The following CCDC91 variants were observed in gnomAD, a reference collection of about 807,000 sequenced individuals.
CCDC91 encodes the protein coiled-coil domain containing 91, also known as coiled-coil domain-containing protein 91.
A neutral mutation model predicts 63.2 loss-of-function variants in CCDC91; 48 were observed. That is an observed-to-expected ratio of 0.76 (90% CI 0.60 to 0.97). The LOEUF is 0.97. CCDC91 is among the 50% of genes least tolerant of loss of function. The probability of loss-of-function intolerance (pLI) is 0.00; values close to 1 mark genes in which losing one functional copy is unlikely to be tolerated. For missense variants in CCDC91, 500 were observed against 494.6 expected (o/e 1.01, Z -0.10); for synonymous variants, 167 against 165.8 (o/e 1.01, Z -0.06).
intron 1 of CCDC91, among the ~76,000 whole-genome samples, chr12:28,192,129 CAAAAG>C (rs1371875946): frequency 6.6e-6 from 1 of 152,104 alleles, no homozygotes; most frequent in East Asian, 1.9e-4. Flanking sequence ...TAATAACACA[CAAAAG>C]AAACTGCAGA....
intron 11 of CCDC91, among the ~76,000 whole-genome samples, chr12:28,454,105 T>C (rs966019224): frequency 1.3e-5 from 2 of 152,306 alleles, no homozygotes. Flanking sequence ...TCCTTACAAA[T>C]GTTTGCACGT....
intron 6 of CCDC91, among the ~76,000 whole-genome samples, chr12:28,354,084 A>G (rs1468295766): frequency 6.6e-6 from 1 of 152,212 alleles, no homozygotes; most frequent in African/African-American, 2.4e-5. Context: ...TGTGAAGCAC[A>G]ATATAATGAA....
intron 3 of CCDC91, among the ~76,000 whole-genome samples, chr12:28,292,159 C>A (rs1159987082): frequency 1.3e-5 from 2 of 152,170 alleles, no homozygotes; most frequent in Non-Finnish European, 2.9e-5. Flanking sequence ...AATATGTCAT[C>A]AGCAAAAGAA....
intron 12 of CCDC91, among the ~76,000 whole-genome samples, chr12:28,543,144 A>G (rs1193530787): frequency 6.6e-6 from 1 of 151,984 alleles, no homozygotes; most frequent in Non-Finnish European, 1.5e-5. Flanking sequence ...TCGTGTAAAG[A>G]CACTAGTGAT....
chr12:28,315,090 C>G (rs1200539797), intron 6 of CCDC91, among the ~76,000 whole-genome samples: 1 of 151,404 alleles, frequency 6.6e-6, no homozygotes, highest in Non-Finnish European at 1.5e-5. Flanking sequence ...TCAAACCAAA[C>G]AGGTAGAATT....
At chr12:28,330,443 G>T (rs778004367) in intron 6 of CCDC91, among the ~76,000 whole-genome samples, 1 of 151,354 alleles carries the variant, frequency 6.6e-6, no homozygotes, top group Non-Finnish European at 1.5e-5. Context: ...CATATCTGTC[G>T]CCCACTTTTT....
chr12:28,207,341 T>C lies in CCDC91; in HGVS notation c.-15+16700T>C, dbSNP rs557851481. ...GGAGGGACCCTTCTCAGTTGTGAGA[T>C]TATGAACCCAAGGTTCAAGGTTCCA... On this transcript the variant is annotated intron_variant, in intron 1 of 12. Coordinates refer to ENST00000536442, the MANE Select transcript of CCDC91 (RefSeq NM_018318.5). Among the ~76,000 whole-genome samples, 87 of 152,210 alleles carry C rather than the reference T, an allele frequency of 5.7e-4. 1 individual carries two copies. The highest frequency in any genetic ancestry group is 2.0e-3 in the African/African-American group (83 of 41,556).
intron 8 of CCDC91, among the ~76,000 whole-genome samples, chr12:28,410,632 C>T (rs1947258764): frequency 6.6e-6 from 1 of 152,112 alleles, no homozygotes; most frequent in Admixed American, 6.6e-5. Context: ...AGCAGTTCTC[C>T]TGCCTCAGCC....
chr12:28,305,899 T>A, intron 4 of CCDC91, 93 bp downstream of exon 4: 1 of 1,097,450 alleles, frequency 9.1e-7, no homozygotes, highest in Non-Finnish European at 1.3e-6. Context: ...TTTTAGCCTA[T>A]TTGTCTAAAA....
At chr12:28,268,769 C>T (rs751420413) in intron 3 of CCDC91, 13 of 635,720 alleles carry the variant, frequency 2.0e-5, no homozygotes, top group Non-Finnish European at 2.5e-5. Flanking sequence ...CTAAAATCTA[C>T]TGTGGATGAA....
intron 3 of CCDC91, among the ~76,000 whole-genome samples, chr12:28,279,447 G>A (rs1948455059): frequency 6.6e-6 from 1 of 152,054 alleles, no homozygotes; most frequent in South Asian, 2.1e-4. Context: ...TTCTTAAGGT[G>A]AAGACTTACT....
At chr12:28,383,796 A>C (rs1945436947) in intron 7 of CCDC91, among the ~76,000 whole-genome samples, 1 of 152,168 alleles carries the variant, frequency 6.6e-6, no homozygotes, top group South Asian at 2.1e-4. Flanking sequence ...TGAAACGTCT[A>C]AATACTGTTT....
chr12:28,295,387 AT>A (rs1299844744), intron 3 of CCDC91, among the ~76,000 whole-genome samples: 1 of 152,076 alleles, frequency 6.6e-6, no homozygotes, highest in African/African-American at 2.4e-5. Context: ...TTTTAAATTG[AT>A]TTATTGAACA....
At chr12:28,463,769 A>C (rs1014369576) in intron 11 of CCDC91, among the ~76,000 whole-genome samples, 7 of 152,206 alleles carry the variant, frequency 4.6e-5, no homozygotes, top group African/African-American at 1.7e-4. Context: ...AATCCTGGTC[A>C]GAATAACAAT....
At chr12:28,405,974 T>A (rs1195546006) in intron 8 of CCDC91, among the ~76,000 whole-genome samples, 2 of 152,176 alleles carry the variant, frequency 1.3e-5, no homozygotes, top group South Asian at 2.1e-4. Context: ...TAAGAGTATG[T>A]CAGCAGTAAC....
chr12:28,376,567 G>C (rs1353662171), intron 7 of CCDC91, among the ~76,000 whole-genome samples: 2 of 151,720 alleles, frequency 1.3e-5, no homozygotes, highest in Non-Finnish European at 3.0e-5. Flanking sequence ...TGGTATAATA[G>C]CACAGAGGGA....
intron 1 of CCDC91, among the ~76,000 whole-genome samples, chr12:28,210,943 T>A (rs1943194020): frequency 6.6e-6 from 1 of 151,706 alleles, no homozygotes; most frequent in South Asian, 2.1e-4. Flanking sequence ...ATTATTATTT[T>A]TTTCTTTTTC....
intron 8 of CCDC91, among the ~76,000 whole-genome samples, chr12:28,417,472 T>C (rs1240484225): frequency 6.6e-6 from 1 of 152,082 alleles, no homozygotes; most frequent in East Asian, 1.9e-4. Context: ...TATTTTTCAA[T>C]AGTGTTATAT....
chr12:28,463,478 C>G (rs184429946), intron 11 of CCDC91, among the ~76,000 whole-genome samples: 1 of 152,182 alleles, frequency 6.6e-6, no homozygotes, highest in Admixed American at 6.5e-5. Flanking sequence ...TGCACAGAAG[C>G]AAGAAAAAGT....
Sources: gnomAD v4.1 joint callset for allele counts (sites outside exome capture counted in the v4.1 genomes callset) on GRCh38, gnomAD v4.1.1 for gene constraint, MANE v1.5 for transcripts, NCBI Gene and HGNC (gene_info 2026-07-23, HGNC 2026-07-21) for gene names.